The following NCK2 variants were observed in gnomAD, a reference collection of about 807,000 sequenced individuals.
NCK2 encodes the protein cytoplasmic protein NCK2.
Under a neutral mutation model 33.9 loss-of-function variants are expected in NCK2, and 16 were observed. That is an observed-to-expected ratio of 0.47 (90% CI 0.32 to 0.72). The LOEUF (loss-of-function observed/expected upper bound fraction) is 0.72, where lower values mean the gene tolerates loss of function less well. Among genes scored for constraint, NCK2 ranks in the 30% least tolerant of loss-of-function variants. NCK2 has a pLI of 0.03. For missense variants in NCK2, 418 were observed against 537.3 expected, an observed-to-expected ratio of 0.78 and a Z score of 2.19; for synonymous variants, 273 against 239.9, an observed-to-expected ratio of 1.14 and a Z score of -1.27.
intron 2 of NCK2, chr2:105,854,407 C>T (rs1677179819): frequency 6.6e-6 from 1 of 152,190 alleles, no homozygotes; most frequent in African/African-American, 2.4e-5. Flanking sequence ...ACAGAACTTT[C>T]CCTTATACCC....
At chr2:105,834,281 T>C (rs1676307569) in intron 2 of NCK2, among the ~76,000 whole-genome samples, 1 of 152,190 alleles carries the variant, frequency 6.6e-6, no homozygotes, top group Non-Finnish European at 1.5e-5. Flanking sequence ...ATCTCTCTCT[T>C]TAGCTCTAAT....
chr2:105,837,701 G>A (rs1003733949), intron 2 of NCK2, among the ~76,000 whole-genome samples: 2 of 152,186 alleles, frequency 1.3e-5, no homozygotes, highest in African/African-American at 4.8e-5. Flanking sequence ...TAGTGATTCT[G>A]TTTTACTTTG....
At chr2:105,891,113 C>T (rs1189931063) in intron 4 of NCK2, among the ~76,000 whole-genome samples, 8 of 152,368 alleles carry the variant, frequency 5.3e-5, no homozygotes, top group African/African-American at 1.7e-4. Flanking sequence ...TGCCCCCACA[C>T]GCACTTATAC....
intron 2 of NCK2, among the ~76,000 whole-genome samples, chr2:105,832,515 G>A (rs1676236158): frequency 6.6e-6 from 1 of 152,156 alleles, no homozygotes; most frequent in Non-Finnish European, 1.5e-5. Context: ...AAGGAATACT[G>A]AATTTTATCA....
chr2:105,889,925 C>T (rs1260712247), intron 4 of NCK2, among the ~76,000 whole-genome samples: 2 of 152,142 alleles, frequency 1.3e-5, no homozygotes, highest in Admixed American at 1.3e-4. Flanking sequence ...AGAGGATGCT[C>T]ATGCTGCTGG....
intron 1 of NCK2, among the ~76,000 whole-genome samples, chr2:105,783,911 T>G (rs1441211838): frequency 6.6e-6 from 1 of 152,186 alleles, no homozygotes; most frequent in African/African-American, 2.4e-5. Flanking sequence ...TGGATATATT[T>G]GGAATTTGCA....
chr2:105,823,134 G>GTGTA (rs1323534878), intron 2 of NCK2, among the ~76,000 whole-genome samples: 1 of 16,132 alleles, frequency 6.2e-5, no homozygotes, highest in Non-Finnish European at 1.1e-4. Context: ...CTCTCATGCT[G>GTGTA]TGTGTGTGTG....
Position 105,893,880 on chromosome 2 carries a change from A to G in NCK2, c.*704A>G. 6.6e-6 allele frequency: 1 copy of G among 152,632 alleles called. No individual in the cohort carries two copies. 9.5% of individuals were successfully genotyped at this position (152,632 alleles called of 1,614,324 possible). On this transcript the variant is annotated 3_prime_UTR_variant, in exon 5 of 5. Coordinates refer to ENST00000233154, the MANE Select transcript of NCK2 (RefSeq NM_003581.5). ...GCTTGTTTGAATCTCACAATTATGT[A>G]TTTAATTCTCAAAGAAATATGTATC... is the stretch of plus-strand genomic sequence containing the variant.
chr2:105,857,309 CCGCCCGTCCTGGAGCCGGCACTGGGCCCG>C (rs1018321459), intron 3 of NCK2: 8 of 152,394 alleles, frequency 5.2e-5, no homozygotes, highest in African/African-American at 1.9e-4. Context: ...ACTGAGCCAG[CCGCCCGTCCTGGAGCCGGCACTGGGCCCG>C]CGCCCGTCCC....
intron 1 of NCK2, among the ~76,000 whole-genome samples, chr2:105,759,509 T>C (rs934643399): frequency 1.3e-5 from 2 of 152,238 alleles, no homozygotes; most frequent in Non-Finnish European, 2.9e-5. Flanking sequence ...AAGCGCTTAA[T>C]TTTAGAATAG....
chr2:105,796,830 A>G (rs184634561), intron 1 of NCK2, among the ~76,000 whole-genome samples: 1 of 152,322 alleles, frequency 6.6e-6, no homozygotes, highest in Non-Finnish European at 1.5e-5. Context: ...GGAAATATAT[A>G]TAATTAGAAC....
intron 2 of NCK2, among the ~76,000 whole-genome samples, chr2:105,823,603 A>G (rs6741172): frequency 0.32 from 48,250 of 151,782 alleles, 10,249 homozygotes; most frequent in African/African-American, 0.58. Flanking sequence ...GAATTCTGGG[A>G]CCATGTTAAC....
Position 105,867,135 on chromosome 2 carries a change from G to A in NCK2, c.226+11846G>A, listed in dbSNP as rs149224339. Among the ~76,000 whole-genome samples, 646 of 152,262 alleles carry A rather than the reference G, an allele frequency of 4.2e-3. 2 individuals carry two copies. The highest frequency in any genetic ancestry group is 0.014 in the African/African-American group (587 of 41,554). ...ATGTTTGTATGTAACATAAGGGGAA[G>A]AAAATTCAGCTATCTTAATTCTATT... is the stretch of plus-strand genomic sequence containing the variant. On this transcript the variant is annotated intron_variant, in intron 3 of 4. Coordinates refer to ENST00000233154, the MANE Select transcript of NCK2 (RefSeq NM_003581.5).
At chr2:105,769,029 T>C (rs1690039997) in intron 1 of NCK2, among the ~76,000 whole-genome samples, 1 of 152,008 alleles carries the variant, frequency 6.6e-6, no homozygotes, top group South Asian at 2.1e-4. Flanking sequence ...ATCACACGTT[T>C]TGTCTTTCTG....
intron 4 of NCK2, among the ~76,000 whole-genome samples, chr2:105,887,071 CAAAG>C (rs1678750243): frequency 6.6e-6 from 1 of 152,122 alleles, no homozygotes; most frequent in African/African-American, 2.4e-5. Flanking sequence ...GATGTAAAAA[CAAAG>C]AACATAGGGT....
rs114886153 is a variant in NCK2, at chr2:105,854,766, T to G, written c.-16-282T>G. 2,452 of 299,542 alleles carry G rather than the reference T, an allele frequency of 8.2e-3. 53 individuals carry two copies. The highest frequency in any genetic ancestry group is 0.049 in the African/African-American group (2,285 of 47,080). 18.6% of individuals were successfully genotyped at this position (299,542 alleles called of 1,614,324 possible). A position where few individuals can be genotyped will look rare whatever the true frequency, so the allele number is the denominator to read the frequency against. ...GAAATGGACTCATTTAATTATAATG[T>G]TATTTAGAATTTTTTTCAAGTTTGT... On this transcript the variant is annotated intron_variant, in intron 2 of 4. Transcript: ENST00000233154.
chr2:105,762,462 C>T (rs1263262571), intron 1 of NCK2, among the ~76,000 whole-genome samples: 1 of 152,162 alleles, frequency 6.6e-6, no homozygotes, highest in Non-Finnish European at 1.5e-5. Context: ...CGCTGAAGCT[C>T]ATGTCCCAGG....
chr2:105,783,922 C>T (rs565805343), intron 1 of NCK2, among the ~76,000 whole-genome samples: 2 of 152,264 alleles, frequency 1.3e-5, no homozygotes, highest in South Asian at 2.1e-4. Context: ...GGAATTTGCA[C>T]GAGAAAATGA....
chr2:105,771,112 C>T (rs564376572), intron 1 of NCK2, among the ~76,000 whole-genome samples: 2 of 151,890 alleles, frequency 1.3e-5, no homozygotes, highest in Non-Finnish European at 2.9e-5. Context: ...TTAGTAGAGA[C>T]GGGGTTTCAC....
Sources: allele counts gnomAD v4.1 joint callset (sites outside exome capture counted in the v4.1 genomes callset), GRCh38; gene constraint gnomAD v4.1.1; transcripts MANE v1.5; gene names NCBI Gene and HGNC (gene_info 2026-07-23, HGNC 2026-07-21).